The following OPCML variants were observed in gnomAD, a reference collection of about 807,000 sequenced individuals.
The protein encoded by OPCML is opioid-binding protein/cell adhesion molecule.
In OPCML, 13 loss-of-function variants were observed where a neutral mutation model predicts 37.8. That is an observed-to-expected ratio of 0.34 (90% CI 0.22 to 0.55). The LOEUF (loss-of-function observed/expected upper bound fraction) is 0.55, where lower values mean the gene tolerates loss of function less well. OPCML is among the 20% of genes least tolerant of loss of function. The pLI is 0.91. For missense variants in OPCML, 341 were observed against 435.6 expected (o/e 0.78, Z 1.93); for synonymous variants, 176 against 168.8 (o/e 1.04, Z -0.33).
At chr11:133,418,601 C>A (rs1592280479) in intron 1 of OPCML, 2 of 263,138 alleles carry the variant, frequency 7.6e-6, no homozygotes, top group South Asian at 2.8e-4. Context: ...GGGTGTGGGC[C>A]AAGCTTACTC....
At chr11:132,621,391 A>G (rs1939399183) in intron 3 of OPCML, among the ~76,000 whole-genome samples, 2 of 152,246 alleles carry the variant, frequency 1.3e-5, no homozygotes, top group Non-Finnish European at 2.9e-5. Context: ...CTAAAAGATA[A>G]AAACCAACCA....
intron 2 of OPCML, among the ~76,000 whole-genome samples, chr11:132,685,393 C>A (rs1943121625): frequency 6.6e-6 from 1 of 152,170 alleles, no homozygotes; most frequent in African/African-American, 2.4e-5. Context: ...ACTTCTTTAT[C>A]AAGTTTTGAA....
chr11:132,959,772 G>C (rs970861528), intron 1 of OPCML, among the ~76,000 whole-genome samples: 2 of 152,140 alleles, frequency 1.3e-5, no homozygotes, highest in African/African-American at 4.8e-5. Context: ...AAGGAAATTG[G>C]AAAGAGAGAA....
At chr11:133,468,892 G>GA (rs201455520) in intron 1 of OPCML, among the ~76,000 whole-genome samples, 47 of 134,864 alleles carry the variant, frequency 3.5e-4, no homozygotes, top group Admixed American at 1.0e-3. Context: ...GAATATTATG[G>GA]AAAAAAACAA....
intron 1 of OPCML, among the ~76,000 whole-genome samples, chr11:133,352,313 C>A (rs1356712214): frequency 6.6e-6 from 1 of 152,198 alleles, no homozygotes; most frequent in Admixed American, 6.5e-5. Context: ...TTCTCACCCC[C>A]TGAAGCAAGC....
chr11:133,047,133 A>C (rs1198616509), intron 1 of OPCML, among the ~76,000 whole-genome samples: 1 of 152,216 alleles, frequency 6.6e-6, no homozygotes, highest in Non-Finnish European at 1.5e-5. Context: ...ACTCAGGAGA[A>C]CAAAATCTGA....
rs529081540 is a variant in OPCML at position 132,548,002 on chromosome 11, A to G, written c.380-18816T>C. On this transcript the variant is annotated intron_variant, in intron 3 of 7. Coordinates refer to ENST00000524381, the MANE Select transcript of OPCML (RefSeq NM_001012393.5). Reference sequence around the variant, plus strand: ...TGTGGTCCTTCTGAAGGTGATGAAAACTCATTATAGTTAGACACTGTACTA... The same window carrying G: ...TGTGGTCCTTCTGAAGGTGATGAAAGCTCATTATAGTTAGACACTGTACTA... 5.9e-5 allele frequency among the ~76,000 whole-genome samples: 9 copies of G among 152,130 alleles called. No individual in the cohort carries two copies. In the South Asian group the frequency reaches 1.9e-3, roughly 32 times the overall value.
chr11:132,708,744 G>A (rs564176182), intron 2 of OPCML, among the ~76,000 whole-genome samples: 27 of 152,144 alleles, frequency 1.8e-4, no homozygotes, highest in Non-Finnish European at 3.5e-4. Flanking sequence ...AATTTTCTCA[G>A]TGAATCAGAA....
chr11:132,842,410 TTCCCA>T (rs1941335820), intron 2 of OPCML, among the ~76,000 whole-genome samples: 1 of 152,220 alleles, frequency 6.6e-6, no homozygotes, highest in Admixed American at 6.5e-5. Flanking sequence ...GCCTCCCCTC[TTCCCA>T]GCAATATTCG....
At chr11:133,408,930 T>C (rs1359838764) in intron 1 of OPCML, among the ~76,000 whole-genome samples, 3 of 152,208 alleles carry the variant, frequency 2.0e-5, no homozygotes, top group Admixed American at 6.5e-5. Context: ...TTGAATAAGC[T>C]CTGTTATATC....
chr11:133,483,685 TA>T (rs748900348), intron 1 of OPCML, among the ~76,000 whole-genome samples: 1 of 132,896 alleles, frequency 7.5e-6, no homozygotes, highest in Non-Finnish European at 1.6e-5. Flanking sequence ...GATAGATAGA[TA>T]GATAGATAGA....
intron 1 of OPCML, among the ~76,000 whole-genome samples, chr11:132,982,547 C>T (rs542094744): frequency 6.6e-6 from 1 of 151,060 alleles, no homozygotes; most frequent in African/African-American, 2.4e-5. Context: ...GCTACACTAG[C>T]TTAAGAGACA....
At chr11:132,652,988 A>G (rs1351818720) in intron 3 of OPCML, among the ~76,000 whole-genome samples, 1 of 152,082 alleles carries the variant, frequency 6.6e-6, no homozygotes, top group Non-Finnish European at 1.5e-5. Flanking sequence ...TCTTACTGTT[A>G]TCTACGAATA....
chr11:132,775,310 T>C (rs1382415649), intron 2 of OPCML, among the ~76,000 whole-genome samples: 1 of 152,228 alleles, frequency 6.6e-6, no homozygotes, highest in African/African-American at 2.4e-5. Context: ...CTTATTGAGT[T>C]TGATTATTTG....
intron 3 of OPCML, among the ~76,000 whole-genome samples, chr11:132,570,802 T>TATA (rs1591566397): frequency 2.4e-5 from 2 of 82,184 alleles, no homozygotes; most frequent in African/African-American, 5.7e-5. Context: ...TATATATATA[T>TATA]TTAGAGAGAG....
At chr11:132,886,473 C>T (rs1381126754) in intron 2 of OPCML, among the ~76,000 whole-genome samples, 1 of 152,192 alleles carries the variant, frequency 6.6e-6, no homozygotes, top group African/African-American at 2.4e-5. Context: ...ACCTTGGCAG[C>T]GACCGTGAGA....
chr11:133,334,311 A>C (rs951958374), intron 1 of OPCML, among the ~76,000 whole-genome samples: 12 of 152,246 alleles, frequency 7.9e-5, no homozygotes, highest in African/African-American at 2.4e-4. Flanking sequence ...ATTATGCAGC[A>C]GTGAAAAAAA....
chr11:133,069,719 T>A (rs929075490), intron 1 of OPCML, among the ~76,000 whole-genome samples: 5 of 152,216 alleles, frequency 3.3e-5, no homozygotes, highest in African/African-American at 1.2e-4. Flanking sequence ...CCTGGGCGTG[T>A]TTCTGCAAGC....
intron 1 of OPCML, among the ~76,000 whole-genome samples, chr11:133,530,355 T>C (rs1948580035): frequency 1.3e-5 from 2 of 152,206 alleles, no homozygotes; most frequent in Non-Finnish European, 2.9e-5. Context: ...CTTTCTAAAG[T>C]GTAATGTTAT....
Sources: gnomAD v4.1 joint callset for allele counts (sites outside exome capture counted in the v4.1 genomes callset) on GRCh38, gnomAD v4.1.1 for gene constraint, MANE v1.5 for transcripts, NCBI Gene and HGNC (gene_info 2026-07-23, HGNC 2026-07-21) for gene names.